Variants in CDKAL1 observed in about 807,000 individuals in gnomAD.
CDKAL1 encodes the protein threonylcarbamoyladenosine tRNA methylthiotransferase.
CDKAL1 carries 32 observed loss-of-function variants against 68.2 expected under a neutral mutation model. That is an observed-to-expected ratio of 0.47 (90% CI 0.35 to 0.63). The LOEUF is 0.63. CDKAL1 is among the 30% of genes least tolerant of loss of function. The pLI is 0.00. For synonymous variants in CDKAL1, 234 were observed against 244.3 expected, an observed-to-expected ratio of 0.96 and a Z score of 0.39; for missense variants, 606 against 696.7, an observed-to-expected ratio of 0.87 and a Z score of 1.47.
intron 5 of CDKAL1, among the ~76,000 whole-genome samples, chr6:20,698,568 G>A (rs906766340): frequency 1.3e-5 from 2 of 152,124 alleles, no homozygotes; most frequent in Non-Finnish European, 2.9e-5. Context: ...CTGGTCAGCT[G>A]TTTTGTAGAA....
chr6:21,005,472 A>G (rs895189069), intron 11 of CDKAL1, among the ~76,000 whole-genome samples: 1 of 152,246 alleles, frequency 6.6e-6, no homozygotes, highest in African/African-American at 2.4e-5. Context: ...CTCTTTAGAC[A>G]GAGTATTTTG....
chr6:20,920,538 AGATT>A (rs1190459638), intron 9 of CDKAL1, among the ~76,000 whole-genome samples: 1 of 152,196 alleles, frequency 6.6e-6, no homozygotes, highest in Non-Finnish European at 1.5e-5. Flanking sequence ...CATATTTCCA[AGATT>A]GTAAATCTTA....
At position 20,727,768 on chromosome 6, in the gene CDKAL1, T is replaced by C. The variant is rs1561721758; in HGVS notation, c.372-11751T>C. Among the ~76,000 whole-genome samples, 3 of 152,206 alleles carry C rather than the reference T, an allele frequency of 2.0e-5. No homozygotes were observed. The South Asian group carries it at 6.2e-4, about 31-fold the overall frequency. ...TAGTTCTTATGCTATAGTGGCATAT[T>C]TTTGGATGGTATATTCTTGTCCCCT... is the stretch of plus-strand genomic sequence containing the variant. On this transcript the variant is annotated intron_variant, in intron 5 of 15. Transcript: ENST00000274695.
At chr6:21,100,590 C>G in intron 12 of CDKAL1, among the ~76,000 whole-genome samples, 1 of 152,082 alleles carries the variant, frequency 6.6e-6, no homozygotes, top group East Asian at 1.9e-4. Flanking sequence ...TCCCTGCCAC[C>G]CTCACAATAA....
chr6:21,211,584 A>G (rs1779149339), intron 15 of CDKAL1, among the ~76,000 whole-genome samples: 1 of 152,288 alleles, frequency 6.6e-6, no homozygotes, highest in East Asian at 1.9e-4. Context: ...CAGGCTTTTT[A>G]CTGCCTCAGC....
intron 4 of CDKAL1, among the ~76,000 whole-genome samples, chr6:20,613,064 GAAT>G (rs144335207): frequency 0.077 from 10,452 of 135,512 alleles, 493 homozygotes; most frequent in Middle Eastern, 0.2. Context: ...GGATTTATAA[GAAT>G]AAATGTACAC....
At chr6:20,591,126 CAT>C (rs1467106379) in intron 4 of CDKAL1, among the ~76,000 whole-genome samples, 1 of 152,132 alleles carries the variant, frequency 6.6e-6, no homozygotes, top group Non-Finnish European at 1.5e-5. Flanking sequence ...AGCTTTTTTT[CAT>C]ATGTTTGTTG....
At chr6:21,114,793 T>A (rs16884514) in intron 13 of CDKAL1, among the ~76,000 whole-genome samples, 13,803 of 151,786 alleles carry the variant, frequency 0.091, 734 homozygotes, top group African/African-American at 0.13. Context: ...ATAACTTGAG[T>A]GGGATAATTT....
chr6:20,897,425 C>T (rs6918643), intron 9 of CDKAL1, among the ~76,000 whole-genome samples: 27,384 of 151,908 alleles, frequency 0.18, 2,738 homozygotes, highest in Middle Eastern at 0.27. Flanking sequence ...GCCTCCCAAT[C>T]CTGCCGCAAG....
At chr6:21,117,397 A>G (rs1774471164) in intron 13 of CDKAL1, among the ~76,000 whole-genome samples, 1 of 151,312 alleles carries the variant, frequency 6.6e-6, no homozygotes, top group Non-Finnish European at 1.5e-5. Context: ...CAGCATTTTG[A>G]GAGGTCAGGG....
intron 11 of CDKAL1, among the ~76,000 whole-genome samples, chr6:21,055,477 C>T (rs1333144707): frequency 6.6e-6 from 1 of 151,972 alleles, no homozygotes; most frequent in Non-Finnish European, 1.5e-5. Flanking sequence ...CCTATCAACC[C>T]ATCACCTAGG....
chr6:20,691,996 A>C (rs1770892345), intron 5 of CDKAL1, among the ~76,000 whole-genome samples: 1 of 152,100 alleles, frequency 6.6e-6, no homozygotes, highest in African/African-American at 2.4e-5. Flanking sequence ...TTAATTTTTA[A>C]GTTTTCGCAG....
intron 4 of CDKAL1, among the ~76,000 whole-genome samples, chr6:20,557,824 G>A (rs1198692387): frequency 1.3e-5 from 2 of 152,172 alleles, no homozygotes; most frequent in Non-Finnish European, 2.9e-5. Context: ...CTACTCAGGA[G>A]GTTGAGGCAT....
intron 13 of CDKAL1, among the ~76,000 whole-genome samples, chr6:21,135,286 A>T (rs540811795): frequency 1.3e-5 from 2 of 152,264 alleles, no homozygotes; most frequent in South Asian, 4.1e-4. Flanking sequence ...GAAATTGAAG[A>T]TCATCCCTGC....
intron 4 of CDKAL1, among the ~76,000 whole-genome samples, chr6:20,629,260 G>A (rs7771213): frequency 0.88 from 133,396 of 152,164 alleles, 58,522 homozygotes; most frequent in Middle Eastern, 0.94. Context: ...CATCTTTGGC[G>A]GGAAGATCTT....
At chr6:21,169,215 T>C (rs1042415102) in intron 13 of CDKAL1, among the ~76,000 whole-genome samples, 1 of 152,218 alleles carries the variant, frequency 6.6e-6, no homozygotes, top group African/African-American at 2.4e-5. Flanking sequence ...CGAGCAGATA[T>C]TACAATGCCA....
intron 13 of CDKAL1, among the ~76,000 whole-genome samples, chr6:21,154,757 A>G (rs1453009526): frequency 6.6e-6 from 1 of 152,144 alleles, no homozygotes; most frequent in Admixed American, 6.5e-5. Flanking sequence ...TGGGAGTCCA[A>G]GGCAGGCAGA....
intron 4 of CDKAL1, among the ~76,000 whole-genome samples, chr6:20,555,993 G>T (rs1437010832): frequency 1.3e-5 from 2 of 152,042 alleles, no homozygotes; most frequent in African/African-American, 4.8e-5. Flanking sequence ...AAAGAAGGGG[G>T]TATATATCCC....
In CDKAL1 at chr6:20,786,591, G is replaced by A. The variant is rs558100287; in HGVS notation, c.638+5326G>A. Among the ~76,000 whole-genome samples, 5 of 145,280 alleles carry A rather than the reference G, an allele frequency of 3.4e-5. No homozygotes were observed. The South Asian group carries it at 6.6e-4, about 19-fold the overall frequency. On this transcript the variant is annotated intron_variant, in intron 8 of 15. Coordinates refer to ENST00000274695, the MANE Select transcript of CDKAL1 (RefSeq NM_017774.3). ...CAGCTCACTGCAAGCTCCGCCTCCC[G>A]GGTTCAAGCGATTCTCCTGCCTCAG...
Sources: allele counts gnomAD v4.1 joint callset (sites outside exome capture counted in the v4.1 genomes callset), GRCh38; gene constraint gnomAD v4.1.1; transcripts MANE v1.5; gene names NCBI Gene and HGNC (gene_info 2026-07-23, HGNC 2026-07-21).